KANK1: variants seen among roughly 807,000 people sequenced by gnomAD.
The protein encoded by KANK1 is KN motif and ankyrin repeat domain-containing protein 1.
A neutral mutation model predicts 106.2 loss-of-function variants in KANK1; 109 were observed. The ratio of observed to expected loss-of-function variants is 1.03; its 90% confidence interval spans 0.88 to 1.20. The LOEUF (loss-of-function observed/expected upper bound fraction) is 1.20. KANK1 is among the 50% of genes most tolerant of loss of function. The probability of loss-of-function intolerance (pLI) is 0.00; values close to 1 mark genes in which losing one functional copy is unlikely to be tolerated. For missense variants in KANK1, 2,399 were observed against 1,710.7 expected, an observed-to-expected ratio of 1.40 and a Z score of -7.10; for synonymous variants, 873 against 652.2, an observed-to-expected ratio of 1.34 and a Z score of -5.16.
rs561893608 is a variant in KANK1 at position 729,316 on chromosome 9, A to T, written c.2699-735A>T. On this transcript the variant is annotated intron_variant, in intron 3 of 11. Transcript: ENST00000382297. Reference sequence around the variant, plus strand: ...ACATTGTATCACAGATCCCCAGGAGAAGGTACAAAAGATGGGCTGTGAGAG... The same window carrying T: ...ACATTGTATCACAGATCCCCAGGAGTAGGTACAAAAGATGGGCTGTGAGAG... Among the ~76,000 whole-genome samples, 55 of 152,260 alleles carry T rather than the reference A, an allele frequency of 3.6e-4. 1 individual carries two copies. Among genetic ancestry groups the T allele is most frequent in the African/African-American group, 1.3e-3 (54 of 41,546 alleles).
At chr9:648,746 T>G (rs1455074737) in intron 1 of KANK1, among the ~76,000 whole-genome samples, 1 of 152,156 alleles carries the variant, frequency 6.6e-6, no homozygotes, top group East Asian at 1.9e-4. Context: ...ATGAAGCTGT[T>G]TTGAAGCTTA....
At chr9:737,046 A>G (rs887937280) in intron 7 of KANK1, among the ~76,000 whole-genome samples, 1 of 152,236 alleles carries the variant, frequency 6.6e-6, no homozygotes, top group East Asian at 1.9e-4. Flanking sequence ...ATTTGGTGTG[A>G]AAGTGTTTAA....
chr9:499,070 C>T lies in KANK1; in HGVS notation c.-362+25797C>T, dbSNP rs192682218. Reference sequence around the variant, plus strand: ...GCGAGCGCCTGTAGTCCCAGCTACTCGGGAGGCTGAGGCAGGAGAATGGCA... The same window carrying T: ...GCGAGCGCCTGTAGTCCCAGCTACTTGGGAGGCTGAGGCAGGAGAATGGCA... On this transcript the variant is annotated intron_variant, in intron 3 of 15. Coordinates refer to the KANK1 transcript ENST00000382303. 3.0e-3 allele frequency among the ~76,000 whole-genome samples: 450 copies of T among 151,400 alleles called. 5 individuals are homozygous for T. The highest frequency in any genetic ancestry group is 0.01 in the African/African-American group (422 of 41,226).
intron 1 of KANK1, among the ~76,000 whole-genome samples, chr9:616,241 C>T (rs962739811): frequency 1.9e-4 from 29 of 152,244 alleles, no homozygotes; most frequent in African/African-American, 6.3e-4. Flanking sequence ...ATGACATAAC[C>T]GTGAGGACTA....
Position 711,081 on chromosome 9 carries a change from C to T in KANK1, c.315C>T (p.Asn105=). ...GTGATGACAACAAGCAGTGCCCCAA[C>T]TTCCTCATAGCCAGAAGTCAAGTTA... ...SNSDDNKQCP[N]FLIARSQVTS... The change falls in exon 3 of 12, where the codon AAC becomes AAT. Residue 105 remains asparagine, a synonymous_variant. Coordinates refer to ENST00000382297, the MANE Select transcript of KANK1 (RefSeq NM_015158.5). 3.7e-6 allele frequency: 6 copies of T among 1,614,210 alleles called. No homozygotes were observed. Among genetic ancestry groups the T allele is most frequent in the Non-Finnish European group, 5.1e-6 (6 of 1,180,046 alleles).
intron 2 of KANK1, chr9:680,989 G>A (rs887091788): frequency 6.6e-6 from 1 of 152,520 alleles, no homozygotes. Context: ...CGAGGAGGGA[G>A]GATTGCTTGA....
At chr9:706,793 A>C (rs1824325538) in intron 2 of KANK1, 3 of 985,378 alleles carry the variant, frequency 3.0e-6, no homozygotes, top group Non-Finnish European at 3.6e-6. Flanking sequence ...GAACCCGCAG[A>C]GAACAGTGGG....
intron 2 of KANK1, among the ~76,000 whole-genome samples, chr9:697,972 A>G (rs1821725863): frequency 6.6e-6 from 1 of 152,176 alleles, no homozygotes; most frequent in South Asian, 2.1e-4. Context: ...GGCCAACAGT[A>G]ACACTCGGGA....
chr9:685,878 C>T (rs377066044), intron 2 of KANK1, among the ~76,000 whole-genome samples: 2 of 152,272 alleles, frequency 1.3e-5, no homozygotes, highest in East Asian at 3.9e-4. Context: ...TTTGTGAAAA[C>T]ATTGATTCAG....
At chr9:599,036 G>A (rs1163200195) in intron 1 of KANK1, among the ~76,000 whole-genome samples, 1 of 77,978 alleles carries the variant, frequency 1.3e-5, no homozygotes, top group Non-Finnish European at 2.6e-5. Flanking sequence ...TTTTTTTTTT[G>A]AGACGGAGTT....
intron 1 of KANK1, among the ~76,000 whole-genome samples, chr9:512,469 A>G (rs944757370): frequency 1.3e-5 from 2 of 152,010 alleles, no homozygotes; most frequent in African/African-American, 4.8e-5. Context: ...GCCCACCCAC[A>G]TTATGGAGGG....
chr9:508,121 C>T (rs941591280), intron 1 of KANK1, among the ~76,000 whole-genome samples: 14 of 39,158 alleles, frequency 3.6e-4, no homozygotes, highest in African/African-American at 1.0e-3. Flanking sequence ...CCTGCTCAGC[C>T]TTTTTTTTTT....
intron 1 of KANK1, among the ~76,000 whole-genome samples, chr9:603,958 C>CAAAA (rs71314719): frequency 1.5e-4 from 14 of 94,498 alleles, no homozygotes; most frequent in African/African-American, 4.9e-4. Context: ...GACTCTGTCT[C>CAAAA]AAAAAAAAAA....
At chr9:535,965 A>G (rs545230266) in intron 1 of KANK1, among the ~76,000 whole-genome samples, 9 of 152,280 alleles carry the variant, frequency 5.9e-5, no homozygotes, top group Admixed American at 5.9e-4. Context: ...GGTATTTGTT[A>G]TAACAGCACC....
chr9:590,597 A>AGT (rs1824611560), intron 1 of KANK1, among the ~76,000 whole-genome samples: 39 of 152,048 alleles, frequency 2.6e-4, no homozygotes, highest in African/African-American at 8.9e-4. Flanking sequence ...AAAATATGTA[A>AGT]CTTTACCACC....
At chr9:547,250 G>C (rs1162922927) in intron 1 of KANK1, 1 of 152,204 alleles carries the variant, frequency 6.6e-6, no homozygotes, top group Admixed American at 6.5e-5. Context: ...CAGGCTGGCA[G>C]TATCTTGGGT....
rs117842456 is a variant in KANK1, at chr9:482,040, C to T, written c.-362+8767C>T. Among the ~76,000 whole-genome samples the T allele has an allele frequency of 7.2e-5, 11 of 152,268 alleles. No homozygotes were observed. In the East Asian group the frequency reaches 2.1e-3, roughly 29 times the overall value. On this transcript the variant is annotated intron_variant, in intron 3 of 15. Coordinates refer to the KANK1 transcript ENST00000382303. The stretch of plus-strand genomic sequence containing the variant: ...TCACCTATTCTGTTCTGAGCCTCCT[C>T]CTCAGCCTCTGGACCTCTCCCTTCT...
chr9:729,379 A>T (rs992790097), intron 3 of KANK1, among the ~76,000 whole-genome samples: 3 of 152,208 alleles, frequency 2.0e-5, no homozygotes, highest in Admixed American at 2.0e-4. Flanking sequence ...GAGATCAGGG[A>T]AGGGTCTGAA....
chr9:569,819 A>C (rs1334507383), intron 1 of KANK1, among the ~76,000 whole-genome samples: 2 of 151,142 alleles, frequency 1.3e-5, no homozygotes, highest in East Asian at 3.9e-4. Context: ...TTTTTCAAAC[A>C]GATTGGGTGT....
Sources: allele counts gnomAD v4.1 joint callset (sites outside exome capture counted in the v4.1 genomes callset), GRCh38; gene constraint gnomAD v4.1.1; transcripts MANE v1.5; gene names NCBI Gene and HGNC (gene_info 2026-07-23, HGNC 2026-07-21).